TAF4B: variants seen among roughly 807,000 people sequenced by gnomAD.
TAF4B encodes TATA-box binding protein associated factor 4b, also known as transcription initiation factor TFIID subunit 4B.
Under a neutral mutation model 86.4 loss-of-function variants are expected in TAF4B, and 38 were observed. The observed-to-expected ratio is 0.44, with a 90% confidence interval of 0.34 to 0.58. The LOEUF is 0.58. Ranked by LOEUF, TAF4B falls within the 20% of genes least tolerant of loss-of-function variation. The probability of loss-of-function intolerance (pLI) is 0.02; values close to 1 mark genes in which losing one functional copy is unlikely to be tolerated. For missense variants in TAF4B, 988 were observed against 1,027.6 expected (o/e 0.96, Z 0.53); for synonymous variants, 388 against 391.2 (o/e 0.99, Z 0.10).
In TAF4B at chr18:26,385,543, G is replaced by A. The variant is rs77897047; in HGVS notation, c.2422-4302G>A. ...GACATCTTTTGTGCACCTGGGAAAT[G>A]AATTGGTCGTTTCATCTTTCATTTT... On this transcript the variant is annotated intron_variant, in intron 14 of 14. Coordinates refer to ENST00000269142, the MANE Select transcript of TAF4B (RefSeq NM_005640.3). Among the ~76,000 whole-genome samples the A allele has an allele frequency of 8.1e-3, 1,154 of 142,150 alleles. 13 individuals are homozygous for A. The highest frequency in any genetic ancestry group is 0.027 in the African/African-American group (1,098 of 41,146). The allele number at this position is 142,150 out of a possible 152,430, so 93.3% of individuals were successfully genotyped here.
chr18:26,281,713 T>C lies in TAF4B; in HGVS notation c.883-258T>C, dbSNP rs185739717. Among the ~76,000 whole-genome samples, 81 of 152,322 alleles carry C rather than the reference T, an allele frequency of 5.3e-4. 1 individual carries two copies. The highest frequency in any genetic ancestry group is 1.9e-3 in the African/African-American group (80 of 41,582). The stretch of plus-strand genomic sequence containing the variant: ...ACAGATTGTAATAATGTAGTATTAC[T>C]TAACCCATCAGCTCTTCTCTTTGCT... On this transcript the variant is annotated intron_variant, in intron 5 of 14. Coordinates refer to ENST00000269142, the MANE Select transcript of TAF4B (RefSeq NM_005640.3).
At chr18:26,277,704 A>G (rs2056399739) in intron 5 of TAF4B, among the ~76,000 whole-genome samples, 1 of 152,144 alleles carries the variant, frequency 6.6e-6, no homozygotes, top group African/African-American at 2.4e-5. Context: ...TTTAGAGTCT[A>G]CTGGTTTATC....
Position 26,259,964 on chromosome 18 carries a change from A to G in TAF4B, c.344-5206A>G, listed in dbSNP as rs568694581. ...GCACCTGTTGTTTCCTGACTTTTTAATGATTGCCATTCTAACTGGTGTGAG... is the reference window on the plus strand; with the variant it reads ...GCACCTGTTGTTTCCTGACTTTTTAGTGATTGCCATTCTAACTGGTGTGAG... On this transcript the variant is annotated intron_variant, in intron 1 of 14. Transcript: ENST00000269142. Among the ~76,000 whole-genome samples the G allele has an allele frequency of 5.3e-3, 811 of 152,204 alleles. 7 individuals carry two copies. The highest frequency in any genetic ancestry group is 0.019 in the African/African-American group (790 of 41,510).
Position 26,391,378 on chromosome 18 carries a change from C to G in TAF4B, c.*1366C>G, listed in dbSNP as rs1479657540. On this transcript the variant is annotated 3_prime_UTR_variant, in exon 15 of 15. Transcript: ENST00000269142. ...GAATTGAAGGAAAAAAAAAAAAACA[C>G]CTCACGTATGTTATTCTTCATCCTG... 1 of 149,062 alleles carries G rather than the reference C, an allele frequency of 6.7e-6. No homozygotes were observed. The highest frequency in any genetic ancestry group is 1.5e-5 in the Non-Finnish European group (1 of 67,458). The allele number at this position is 149,062 out of a possible 1,614,324, so 9.2% of individuals were successfully genotyped here. A position where few individuals can be genotyped will look rare whatever the true frequency, so the allele number is the denominator to read the frequency against.
At chr18:26,344,381 GAAAA>G (rs1219253802) in intron 13 of TAF4B, among the ~76,000 whole-genome samples, 1 of 150,344 alleles carries the variant, frequency 6.7e-6, no homozygotes, top group African/African-American at 2.5e-5. Flanking sequence ...AAAAAAAAGG[GAAAA>G]AAACCTGTGG....
At chr18:26,385,695 C>T (rs1677007) in intron 14 of TAF4B, among the ~76,000 whole-genome samples, 35,946 of 108,482 alleles carry the variant, frequency 0.33, 6,736 homozygotes, top group East Asian at 0.74. Flanking sequence ...TTTTTTTTTT[C>T]TTCTTCTTCT....
At chr18:26,357,003 T>C (rs977704205) in intron 13 of TAF4B, among the ~76,000 whole-genome samples, 2 of 152,140 alleles carry the variant, frequency 1.3e-5, no homozygotes, top group African/African-American at 4.8e-5. Flanking sequence ...CACTTTAGAA[T>C]TTTGCCATGA....
intron 13 of TAF4B, among the ~76,000 whole-genome samples, chr18:26,346,343 A>G (rs2057179132): frequency 6.6e-6 from 1 of 151,270 alleles, no homozygotes. Context: ...GAATGAAGAA[A>G]GCTACAGGAT....
At chr18:26,327,286 A>C in intron 12 of TAF4B, 146 bp downstream of exon 12, 267 of 990,102 alleles carry the variant, frequency 2.7e-4, no homozygotes, top group Non-Finnish European at 3.4e-4. Flanking sequence ...AGGATGTCTC[A>C]CAGCCAGGAT....
chr18:26,271,494 A>G (rs917557268), intron 3 of TAF4B, among the ~76,000 whole-genome samples: 7 of 152,198 alleles, frequency 4.6e-5, no homozygotes, highest in African/African-American at 1.7e-4. Context: ...TGGTTTTCAC[A>G]CATTTATTTC....
At chr18:26,361,599 G>C (rs192645283) in intron 14 of TAF4B, among the ~76,000 whole-genome samples, 44 of 151,922 alleles carry the variant, frequency 2.9e-4, no homozygotes, top group Admixed American at 3.9e-4. Flanking sequence ...ACAAAAATTA[G>C]CTGGGCGTGG....
At chr18:26,356,167 G>A (rs940863441) in intron 13 of TAF4B, among the ~76,000 whole-genome samples, 2 of 152,074 alleles carry the variant, frequency 1.3e-5, no homozygotes, top group African/African-American at 2.4e-5. Context: ...GCCTACTTGC[G>A]CACTATGTTC....
chr18:26,294,942 A>G (rs1187896900), intron 9 of TAF4B, among the ~76,000 whole-genome samples: 1 of 150,424 alleles, frequency 6.6e-6, no homozygotes, highest in Non-Finnish European at 1.5e-5. Flanking sequence ...AGGAAAAATT[A>G]ATGAACTGGA....
At chr18:26,269,446 T>G (rs2056285192) in intron 3 of TAF4B, among the ~76,000 whole-genome samples, 1 of 152,184 alleles carries the variant, frequency 6.6e-6, no homozygotes, top group Non-Finnish European at 1.5e-5. Context: ...AATATTTTAC[T>G]AGACTCCTAG....
At chr18:26,359,242 T>C (rs2144735826) in intron 14 of TAF4B, among the ~76,000 whole-genome samples, 1 of 152,330 alleles carries the variant, frequency 6.6e-6, no homozygotes, top group Non-Finnish European at 1.5e-5. Flanking sequence ...AAGTAAACCA[T>C]AATTTATTCA....
At chr18:26,321,395 T>G (rs2056961483) in intron 11 of TAF4B, among the ~76,000 whole-genome samples, 195 bp downstream of exon 11, 1 of 152,190 alleles carries the variant, frequency 6.6e-6, no homozygotes, top group African/African-American at 2.4e-5. Flanking sequence ...AAAATGATAT[T>G]AAAAGCTTCT....
chr18:26,259,358 A>G (rs1170768690), intron 1 of TAF4B, among the ~76,000 whole-genome samples: 4 of 151,910 alleles, frequency 2.6e-5, no homozygotes, highest in African/African-American at 4.8e-5. Context: ...ATATGTATAC[A>G]TGTGCCATGT....
chr18:26,341,627 G>A (rs547597411), intron 13 of TAF4B, among the ~76,000 whole-genome samples: 12 of 152,024 alleles, frequency 7.9e-5, no homozygotes, highest in Non-Finnish European at 1.5e-4. Flanking sequence ...CACAGTTTAC[G>A]TATCAAATTC....
At chr18:26,328,654 C>G (rs954588275) in intron 12 of TAF4B, among the ~76,000 whole-genome samples, 2 of 152,112 alleles carry the variant, frequency 1.3e-5, no homozygotes, top group African/African-American at 4.8e-5. Flanking sequence ...CAATCTCTCT[C>G]TGTAGCTCAA....
Sources: allele counts gnomAD v4.1 joint callset (sites outside exome capture counted in the v4.1 genomes callset), GRCh38; gene constraint gnomAD v4.1.1; transcripts MANE v1.5; gene names NCBI Gene and HGNC (gene_info 2026-07-23, HGNC 2026-07-21).